Variants in CCR3 observed in about 807,000 individuals in gnomAD.
The protein encoded by CCR3 is C-C chemokine receptor type 3.
For missense variants in CCR3, 419 were observed against 437.5 expected, an observed-to-expected ratio of 0.96 and a Z score of 0.38; for synonymous variants, 203 against 179.2, an observed-to-expected ratio of 1.13 and a Z score of -1.06.
chr3:46,250,114 G>A (rs910150457), intron 1 of CCR3, among the ~76,000 whole-genome samples: 2 of 152,140 alleles, frequency 1.3e-5, no homozygotes, highest in Non-Finnish European at 2.9e-5. Context: ...ATGAAAAAGA[G>A]CCTAAACGCT....
At chr3:46,242,775 T>C (rs1410626701) in intron 1 of CCR3, among the ~76,000 whole-genome samples, 1 of 151,874 alleles carries the variant, frequency 6.6e-6, no homozygotes, top group Non-Finnish European at 1.5e-5. Context: ...AGTTTGCGTG[T>C]AGCACTCACC....
intron 1 of CCR3, among the ~76,000 whole-genome samples, chr3:46,243,006 C>CATATATATATATATATATATATACACAT (rs1559531100): frequency 1.3e-5 from 1 of 77,622 alleles, no homozygotes; most frequent in Admixed American, 1.2e-4. Context: ...TATATATACG[C>CATATATATATATATATATATATACACAT]ACACACACAT....
At chr3:46,255,865 G>T (rs1700412630) in intron 1 of CCR3, among the ~76,000 whole-genome samples, 1 of 151,898 alleles carries the variant, frequency 6.6e-6, no homozygotes, top group Non-Finnish European at 1.5e-5. Flanking sequence ...TTTTTGCTGT[G>T]TTGCTTTGGC....
chr3:46,223,065 C>T (rs951690336), intron 2 of CCR3, among the ~76,000 whole-genome samples: 21 of 152,308 alleles, frequency 1.4e-4, no homozygotes, highest in Middle Eastern at 3.4e-3. Context: ...TTTTAAAACT[C>T]TTTTGAGGCC....
chr3:46,232,213 A>G (rs1170514623), intron 2 of CCR3, among the ~76,000 whole-genome samples: 1 of 152,234 alleles, frequency 6.6e-6, no homozygotes, highest in East Asian at 1.9e-4. Context: ...AAGCAACAAC[A>G]CAATCCCTCA....
chr3:46,229,577 A>G (rs115903419), intron 2 of CCR3, among the ~76,000 whole-genome samples: 2 of 152,278 alleles, frequency 1.3e-5, no homozygotes, highest in Non-Finnish European at 2.9e-5. Flanking sequence ...GGCAGGAAGG[A>G]CTGCAAAGGG....
At chr3:46,251,613 T>C (rs9817247) in intron 1 of CCR3, among the ~76,000 whole-genome samples, 65,304 of 151,976 alleles carry the variant, frequency 0.43, 15,092 homozygotes, top group East Asian at 0.64. Context: ...AAATTTCATG[T>C]GCATCCTTGT....
At chr3:46,246,587 G>A (rs1048676852) in intron 1 of CCR3, among the ~76,000 whole-genome samples, 12 of 152,162 alleles carry the variant, frequency 7.9e-5, no homozygotes, top group African/African-American at 2.9e-4. Context: ...CACTGCTTTT[G>A]TGGTGGAATG....
At chr3:46,221,214 C>T (rs187592822) in intron 2 of CCR3, among the ~76,000 whole-genome samples, 77 of 147,556 alleles carry the variant, frequency 5.2e-4, no homozygotes, top group Non-Finnish European at 8.9e-4. Context: ...TTGATTCTTC[C>T]TCCAGAAAGC....
At chr3:46,236,634 G>A (rs1324961031) in intron 2 of CCR3, among the ~76,000 whole-genome samples, 1 of 152,194 alleles carries the variant, frequency 6.6e-6, no homozygotes, top group East Asian at 1.9e-4. Flanking sequence ...GGTTCTGCTG[G>A]CCCTCTTGGG....
intron 2 of CCR3, among the ~76,000 whole-genome samples, chr3:46,222,284 A>T (rs1176973506): frequency 6.6e-6 from 1 of 152,156 alleles, no homozygotes; most frequent in Non-Finnish European, 1.5e-5. Context: ...TGGGGGTTTC[A>T]TGGGGATAGA....
chr3:46,246,359 G>A (rs1700189817), intron 1 of CCR3, among the ~76,000 whole-genome samples: 1 of 152,166 alleles, frequency 6.6e-6, no homozygotes, highest in Non-Finnish European at 1.5e-5. Context: ...CAGGCGGGCT[G>A]AGTCCGAAAA....
upstream of CCR3, among the ~76,000 whole-genome samples, chr3:46,237,647 C>G (rs1373448103): frequency 6.6e-6 from 1 of 152,134 alleles, no homozygotes; most frequent in Non-Finnish European, 1.5e-5. Context: ...CTGCATGTGG[C>G]TATTCAGTTT....
intron 1 of CCR3, among the ~76,000 whole-genome samples, chr3:46,249,145 C>G (rs868565199): frequency 3.9e-5 from 6 of 151,996 alleles, no homozygotes; most frequent in Non-Finnish European, 7.4e-5. Flanking sequence ...GTATCTTATA[C>G]TTGTGGGTTA....
chr3:46,241,771 AC>A (rs1700089151), upstream of CCR3, among the ~76,000 whole-genome samples: 1 of 152,126 alleles, frequency 6.6e-6, no homozygotes, highest in Non-Finnish European at 1.5e-5. Flanking sequence ...CCAAGTGTCT[AC>A]TGGACCCTGC....
chr3:46,221,871 G>A (rs1699840705), intron 2 of CCR3, among the ~76,000 whole-genome samples: 1 of 152,232 alleles, frequency 6.6e-6, no homozygotes, highest in East Asian at 1.9e-4. Flanking sequence ...GAAGGAGTGT[G>A]TCTGGGCCCC....
At chr3:46,250,810 AG>A (rs1426534778) in intron 1 of CCR3, among the ~76,000 whole-genome samples, 1 of 151,646 alleles carries the variant, frequency 6.6e-6, no homozygotes, top group Non-Finnish European at 1.5e-5. Context: ...GAAGGGGTTC[AG>A]GGGTTCTTAC....
At chr3:46,264,478 G>GTT in intron 1 of CCR3, 1 of 1,486,204 alleles carries the variant, frequency 6.7e-7, no homozygotes. Flanking sequence ...TTTTTCAAAA[G>GTT]TTAAATTTAA....
At chr3:46,238,594 C>G (rs1476061332), upstream of CCR3, among the ~76,000 whole-genome samples, 3 of 152,170 alleles carry the variant, frequency 2.0e-5, no homozygotes, top group Non-Finnish European at 4.4e-5. Flanking sequence ...GATAACTTCT[C>G]TTAGTGCTTT....
Sources: gnomAD v4.1 joint callset for allele counts (sites outside exome capture counted in the v4.1 genomes callset) on GRCh38, gnomAD v4.1.1 for gene constraint, MANE v1.5 for transcripts, NCBI Gene and HGNC (gene_info 2026-07-23, HGNC 2026-07-21) for gene names.